Variants in BLNK observed in about 807,000 individuals in gnomAD.
BLNK encodes B-cell linker protein.
In BLNK, 29 loss-of-function variants were observed where a neutral mutation model predicts 73.5. The ratio of observed to expected loss-of-function variants is 0.39; its 90% CI spans 0.29 to 0.54. The LOEUF (loss-of-function observed/expected upper bound fraction) is 0.54. Ranked by LOEUF, BLNK falls within the 20% of genes least tolerant of loss-of-function variation. The pLI, the probability that BLNK is intolerant of heterozygous loss-of-function variation, is 0.61. For missense variants in BLNK, 460 were observed against 562.8 expected, an observed-to-expected ratio of 0.82 and a Z score of 1.85; for synonymous variants, 176 against 200.8, an observed-to-expected ratio of 0.88 and a Z score of 1.04.
chr10:96,199,156 A>G lies in BLNK; in HGVS notation c.1095+919T>C, dbSNP rs193139093. On this transcript the variant is annotated intron_variant, in intron 15 of 16. Transcript: ENST00000224337. ...CACTAATATATTTACTTGTAGAGCTAGGACTAAAACAAGGGTGAGGAAGAA... is the reference window on the plus strand; with the variant it reads ...CACTAATATATTTACTTGTAGAGCTGGGACTAAAACAAGGGTGAGGAAGAA... 2.1e-4 allele frequency among the ~76,000 whole-genome samples: 32 copies of G among 152,364 alleles called. No homozygotes were observed. In the East Asian group the frequency reaches 5.8e-3, roughly 28 times the overall value.
intron 1 of BLNK, among the ~76,000 whole-genome samples, chr10:96,253,741 T>C (rs572980396): frequency 1.4e-4 from 21 of 151,744 alleles, no homozygotes; most frequent in South Asian, 4.2e-4. Context: ...CCAGGCTGGG[T>C]GCGATGGCTC....
intron 6 of BLNK, among the ~76,000 whole-genome samples, chr10:96,222,250 C>T (rs182488745): frequency 6.6e-6 from 1 of 152,288 alleles, no homozygotes; most frequent in East Asian, 1.9e-4. Context: ...CTAGATGCTG[C>T]ATCTATTTTT....
intron 15 of BLNK, among the ~76,000 whole-genome samples, chr10:96,198,962 G>A (rs185762871): frequency 1.2e-4 from 18 of 152,296 alleles, no homozygotes; most frequent in Admixed American, 1.0e-3. Context: ...GCCCCCCAAA[G>A]TGCTAGGATT....
chr10:96,239,868 G>A (rs76905415), intron 3 of BLNK, among the ~76,000 whole-genome samples: 3,169 of 152,220 alleles, frequency 0.021, 105 homozygotes, highest in African/African-American at 0.073. Flanking sequence ...GGACAATCAG[G>A]AGGGAGGTCC....
At chr10:96,270,711 C>T (rs75450450) in intron 1 of BLNK, among the ~76,000 whole-genome samples, 8 of 151,936 alleles carry the variant, frequency 5.3e-5, no homozygotes, top group Non-Finnish European at 7.4e-5. Flanking sequence ...TACAATGAGA[C>T]AAAAAGAAGA....
At chr10:96,234,031 G>A (rs1458525081) in intron 3 of BLNK, among the ~76,000 whole-genome samples, 1 of 152,202 alleles carries the variant, frequency 6.6e-6, no homozygotes, top group East Asian at 1.9e-4. Context: ...CTATTTTACA[G>A]TGGAGAAACT....
chr10:96,207,919 G>A lies in BLNK; in HGVS notation c.747-20C>T. The A allele has an allele frequency of 6.2e-7, 1 of 1,612,990 alleles. No homozygotes were observed. The highest frequency in any genetic ancestry group is 8.5e-7 in the Non-Finnish European group (1 of 1,179,066). ...TTTTTCCTGGGGAATAAAAAGAGAT[G>A]AGCTTTGTTAAAACACAACGAAGAC... is the stretch of plus-strand genomic sequence containing the variant. On this transcript the variant is annotated intron_variant, in intron 9 of 16. Coordinates refer to ENST00000224337, the MANE Select transcript of BLNK (RefSeq NM_013314.4).
intron 3 of BLNK, among the ~76,000 whole-genome samples, chr10:96,236,447 A>T (rs1842694781): frequency 6.6e-6 from 1 of 152,158 alleles, no homozygotes; most frequent in African/African-American, 2.4e-5. Context: ...TAAGAGGAGA[A>T]AGGGACATGA....
At chr10:96,217,659 C>G (rs2084099785) in intron 6 of BLNK, among the ~76,000 whole-genome samples, 1 of 151,694 alleles carries the variant, frequency 6.6e-6, no homozygotes, top group African/African-American at 2.4e-5. Flanking sequence ...GGTTGTTTAT[C>G]TTTTTATTGA....
intron 16 of BLNK, among the ~76,000 whole-genome samples, chr10:96,194,857 G>A (rs1489208651): frequency 7.2e-6 from 1 of 138,550 alleles, no homozygotes; most frequent in Admixed American, 8.1e-5. Flanking sequence ...TGCAAGCTCC[G>A]CCTCCCGGGT....
chr10:96,239,863 A>C (rs1427939006), intron 3 of BLNK, among the ~76,000 whole-genome samples: 1 of 152,092 alleles, frequency 6.6e-6, no homozygotes, highest in Non-Finnish European at 1.5e-5. Context: ...TGAGGGGACA[A>C]TCAGGAGGGA....
At chr10:96,260,897 A>C (rs1554912586) in intron 1 of BLNK, among the ~76,000 whole-genome samples, 1 of 151,688 alleles carries the variant, frequency 6.6e-6, no homozygotes, top group Admixed American at 6.6e-5. Context: ...AGGCTGGGGT[A>C]TAGTGGCGTT....
Position 96,206,397 on chromosome 10 carries a change from A to G in BLNK, c.817+614T>C, listed in dbSNP as rs2083808701. On this transcript the variant is annotated intron_variant, in intron 11 of 16. Transcript: ENST00000224337. Reference sequence around the variant, plus strand: ...ACATGAGCAGTTTCTAAAAATATATATAAGATTTTTGAGTGATGATAAAGG... The same window carrying G: ...ACATGAGCAGTTTCTAAAAATATATGTAAGATTTTTGAGTGATGATAAAGG... Among the ~76,000 whole-genome samples, 3 of 152,262 alleles carry G rather than the reference A, an allele frequency of 2.0e-5. No individual in the cohort carries two copies. In the South Asian group the frequency reaches 6.2e-4, roughly 32 times the overall value.
At chr10:96,242,828 A>G (rs781918253) in intron 2 of BLNK, 44 bp from the exon 3 acceptor site, 2 of 1,523,250 alleles carry the variant, frequency 1.3e-6, no homozygotes, top group African/African-American at 1.4e-5. Flanking sequence ...GAGCAGAACA[A>G]TGATGGTCAA....
chr10:96,204,544 G>A lies in BLNK; in HGVS notation c.890C>T (p.Pro297Leu), dbSNP rs2083745369. 3 of 1,613,932 alleles carry A rather than the reference G, an allele frequency of 1.9e-6. No homozygotes were observed. The African/African-American group carries it at 4.0e-5, about 22-fold the overall frequency. The change falls in exon 12 of 17, where the codon CCT becomes CTT. Residue 297 changes from proline to leucine, a missense_variant. This residue lies in a region of BLNK where 233 missense variants were observed against 232.1 expected (regional missense o/e 1.00). Transcript: ENST00000224337. ...AAAGGATTCTTACTTCTGGGCAGGA[G>A]GAAACACTGGTGACTGCACAGCTTC... The part of the protein sequence containing the change: ...RQEAVQSPVF[P>L]PAQKQIHQKP...
rs117894745 is a variant in BLNK at position 96,258,031 on chromosome 10, C to T, written c.48-10982G>A. Among the ~76,000 whole-genome samples the T allele has an allele frequency of 4.5e-3, 684 of 152,324 alleles. 3 individuals are homozygous for T. The highest frequency in any genetic ancestry group is 7.3e-3 in the Non-Finnish European group (496 of 68,036). ...TTTTTAGTGACTATCCTGTTACTTG[C>T]ATGCTGCAGGACTCCTATGACAACT... On this transcript the variant is annotated intron_variant, in intron 1 of 16. Transcript: ENST00000224337.
At chr10:96,270,345 G>A (rs1289720898) in intron 1 of BLNK, among the ~76,000 whole-genome samples, 1 of 152,116 alleles carries the variant, frequency 6.6e-6, no homozygotes, top group Admixed American at 6.5e-5. Context: ...TGTTATCTGT[G>A]ATTACTTGTC....
At chr10:96,246,763 A>T (rs1282964654) in intron 2 of BLNK, among the ~76,000 whole-genome samples, 1 of 152,212 alleles carries the variant, frequency 6.6e-6, no homozygotes, top group Admixed American at 6.5e-5. Flanking sequence ...CCTTCCCTGC[A>T]GTGAGAAGGA....
intron 1 of BLNK, among the ~76,000 whole-genome samples, chr10:96,270,695 T>C (rs537088631): frequency 2.0e-5 from 3 of 152,084 alleles, no homozygotes; most frequent in African/African-American, 7.2e-5. Flanking sequence ...AAAGCCATGA[T>C]GCCATTACAA....
Sources: gnomAD v4.1 joint callset for allele counts (sites outside exome capture counted in the v4.1 genomes callset) on GRCh38, gnomAD v4.1.1 for gene constraint, gnomAD v4.1.1 regional missense constraint, MANE v1.5 for transcripts, NCBI Gene and HGNC (gene_info 2026-07-23, HGNC 2026-07-21) for gene names.